The following CSMD1 variants were observed in gnomAD, a reference collection of about 807,000 sequenced individuals.
CSMD1 encodes CUB and Sushi multiple domains 1.
CSMD1 carries 213 observed loss-of-function variants against 417.5 expected under a neutral mutation model. The ratio of observed to expected loss-of-function variants is 0.51; its 90% CI spans 0.46 to 0.57. The LOEUF (loss-of-function observed/expected upper bound fraction) is 0.57. Among genes scored for constraint, CSMD1 ranks in the 20% least tolerant of loss-of-function variants. CSMD1 has a pLI of 0.00. For synonymous variants in CSMD1, 2,862 were observed against 1,736.8 expected, an observed-to-expected ratio of 1.65 and a Z score of -16.11; for missense variants, 6,923 against 4,529.7, an observed-to-expected ratio of 1.53 and a Z score of -15.17.
intron 3 of CSMD1, among the ~76,000 whole-genome samples, chr8:4,155,466 ATG>A (rs1426257517): frequency 6.6e-6 from 1 of 152,220 alleles, no homozygotes; most frequent in African/African-American, 2.4e-5. Context: ...TATGGTAAGT[ATG>A]TGTTTCCTTC....
At chr8:3,471,672 C>A (rs892377839) in intron 11 of CSMD1, among the ~76,000 whole-genome samples, 1 of 141,846 alleles carries the variant, frequency 7.0e-6, no homozygotes, top group Non-Finnish European at 1.5e-5. Flanking sequence ...TTCCCTCCCT[C>A]CCTCCCTTCC....
At chr8:4,753,473 T>C (rs569249089) in intron 1 of CSMD1, among the ~76,000 whole-genome samples, 72 of 151,760 alleles carry the variant, frequency 4.7e-4, no homozygotes, top group African/African-American at 1.6e-3. Context: ...TTGTGTCTTA[T>C]GAATTTTCCC....
At chr8:4,918,595 A>G (rs890970939) in intron 1 of CSMD1, among the ~76,000 whole-genome samples, 3 of 152,232 alleles carry the variant, frequency 2.0e-5, no homozygotes, top group Non-Finnish European at 4.4e-5. Context: ...AAAAAGACAC[A>G]AAGCTGAAAA....
At chr8:3,756,327 T>G (rs1434300199) in intron 5 of CSMD1, among the ~76,000 whole-genome samples, 1 of 147,382 alleles carries the variant, frequency 6.8e-6, no homozygotes, top group East Asian at 2.0e-4. Flanking sequence ...CACTCCACCC[T>G]GGGCAACACA....
chr8:3,240,562 T>C (rs1258732575), intron 26 of CSMD1, among the ~76,000 whole-genome samples: 2 of 151,726 alleles, frequency 1.3e-5, no homozygotes, highest in East Asian at 2.0e-4. Flanking sequence ...ACTGAAATAA[T>C]GGGGGCTGTC....
intron 7 of CSMD1, among the ~76,000 whole-genome samples, chr8:3,684,436 C>G (rs953722827): frequency 6.7e-6 from 1 of 149,862 alleles, no homozygotes; most frequent in Non-Finnish European, 1.5e-5. Context: ...CTGCATGACT[C>G]ATAGTACTTA....
chr8:2,969,102 A>T (rs531298651), intron 57 of CSMD1, among the ~76,000 whole-genome samples: 1 of 152,280 alleles, frequency 6.6e-6, no homozygotes, highest in Admixed American at 6.5e-5. Flanking sequence ...TTCCTTAGAT[A>T]TAGTGCCTTT....
intron 18 of CSMD1, among the ~76,000 whole-genome samples, 180 bp from the exon 19 acceptor site, chr8:3,369,550 T>A (rs981719070): frequency 6.6e-6 from 1 of 152,198 alleles, no homozygotes; most frequent in Non-Finnish European, 1.5e-5. Flanking sequence ...CTAGTTCATA[T>A]GAAGGGATCT....
intron 3 of CSMD1, among the ~76,000 whole-genome samples, chr8:4,170,122 C>T (rs1315673350): frequency 6.6e-6 from 1 of 151,788 alleles, no homozygotes; most frequent in Non-Finnish European, 1.5e-5. Context: ...TTTCTCCCTC[C>T]AGGGGCTTCT....
At chr8:3,153,626 T>C (rs908350852) in intron 39 of CSMD1, among the ~76,000 whole-genome samples, 1 of 152,204 alleles carries the variant, frequency 6.6e-6, no homozygotes, top group Non-Finnish European at 1.5e-5. Flanking sequence ...CACACACACA[T>C]GCAGAGGGAA....
chr8:4,204,134 C>G (rs543685742), intron 3 of CSMD1, among the ~76,000 whole-genome samples: 7 of 152,074 alleles, frequency 4.6e-5, no homozygotes, highest in Non-Finnish European at 8.8e-5. Context: ...CTTAAAGGAT[C>G]TGTCAGTTTT....
chr8:2,966,227 G>A lies in CSMD1; in HGVS notation c.9101-273C>T, dbSNP rs80154347. ...TGACTAGCCCCTAATTAGGCATGGG[G>A]TATAATCAGAAAGATGAAGCCTGCA... On this transcript the variant is annotated intron_variant, in intron 58 of 69. Coordinates refer to ENST00000635120, the MANE Select transcript of CSMD1 (RefSeq NM_033225.6). Among the ~76,000 whole-genome samples, 35 of 152,264 alleles carry A rather than the reference G, an allele frequency of 2.3e-4. No individual in the cohort carries two copies. The East Asian group carries it at 6.6e-3, about 29-fold the overall frequency.
intron 3 of CSMD1, among the ~76,000 whole-genome samples, chr8:4,045,928 G>A (rs1030574626): frequency 4.0e-5 from 6 of 151,612 alleles, no homozygotes; most frequent in African/African-American, 1.5e-4. Flanking sequence ...CATATTTTCT[G>A]GAAAAATACA....
chr8:3,640,765 T>A (rs1324836093), intron 7 of CSMD1, among the ~76,000 whole-genome samples: 3 of 152,140 alleles, frequency 2.0e-5, no homozygotes, highest in Non-Finnish European at 2.9e-5. Flanking sequence ...AAGTGAGACA[T>A]TCACAGCCCC....
At chr8:4,734,276 T>C (rs1439554242) in intron 1 of CSMD1, among the ~76,000 whole-genome samples, 3 of 152,180 alleles carry the variant, frequency 2.0e-5, no homozygotes, top group Non-Finnish European at 4.4e-5. Context: ...TTAAAAAATG[T>C]GATATATTGA....
chr8:3,851,098 T>C (rs1355676495), intron 5 of CSMD1, among the ~76,000 whole-genome samples: 2 of 152,250 alleles, frequency 1.3e-5, no homozygotes, highest in Non-Finnish European at 2.9e-5. Context: ...TAATTCTAGA[T>C]ATCATTAAAG....
At chr8:3,431,962 G>T (rs1294076226) in intron 12 of CSMD1, among the ~76,000 whole-genome samples, 1 of 152,204 alleles carries the variant, frequency 6.6e-6, no homozygotes, top group Non-Finnish European at 1.5e-5. Flanking sequence ...GTTAGTAGAT[G>T]CTTGATAGTA....
rs960832137 is a variant in CSMD1, at chr8:4,038,984, C to T, written c.416-6885G>A. ...TGGGCTATCACATCAAACCTTTAACCCAGCTGTTTCAATGGTTAAGTGGAT... is the reference window on the plus strand; with the variant it reads ...TGGGCTATCACATCAAACCTTTAACTCAGCTGTTTCAATGGTTAAGTGGAT... On this transcript the variant is annotated intron_variant, in intron 3 of 69. Transcript: ENST00000635120. Among the ~76,000 whole-genome samples, 3 of 152,162 alleles carry T rather than the reference C, an allele frequency of 2.0e-5. No individual in the cohort carries two copies. In the South Asian group the frequency reaches 6.2e-4, roughly 31 times the overall value.
intron 26 of CSMD1, among the ~76,000 whole-genome samples, chr8:3,250,864 T>A (rs1158302708): frequency 6.6e-6 from 1 of 152,232 alleles, no homozygotes; most frequent in African/African-American, 2.4e-5. Context: ...ATGTCTTCTT[T>A]TGAGAAGTGT....
Sources: allele counts gnomAD v4.1 joint callset (sites outside exome capture counted in the v4.1 genomes callset), GRCh38; gene constraint gnomAD v4.1.1; transcripts MANE v1.5; gene names NCBI Gene and HGNC (gene_info 2026-07-23, HGNC 2026-07-21).